RING1: variants seen among roughly 807,000 people sequenced by gnomAD.
RING1 encodes ring finger protein 1, also known as E3 ubiquitin-protein ligase RING1.
In RING1, 8 loss-of-function variants were observed where a neutral mutation model predicts 35.0. The observed-to-expected ratio is 0.23, with a 90% confidence interval of 0.13 to 0.41. RING1 has a LOEUF of 0.41. Ranked by LOEUF, RING1 falls within the 10% of genes least tolerant of loss-of-function variation. RING1 has a pLI of 1.00. For synonymous variants in RING1, 214 were observed against 224.3 expected (o/e 0.95, Z 0.41); for missense variants, 343 against 546.8 (o/e 0.63, Z 3.72).
chr6:33,212,379 C>G lies in RING1; in HGVS notation c.1201C>G (p.Pro401Ala). ...CCGGCCACTGGAGCTGTGCTATGCT[C>G]CCACCAAGGATCCAAAGTGACCCCA... Reference protein sequence around the residue: ...VSRPLELCYAPTKDPK With the variant: ...VSRPLELCYAATKDPK Residue 401 changes from proline to alanine, a missense_variant, in exon 7 of 7, where the codon CCC becomes GCC. Physicochemically the swap from Pro to Ala is conservative, Grantham distance 27 (BLOSUM62 -1). Transcript: ENST00000374656. 1.3e-6 allele frequency: 2 copies of G among 1,590,988 alleles called. No individual in the cohort carries two copies. The highest frequency in any genetic ancestry group is 1.7e-6 in the Non-Finnish European group (2 of 1,168,516).
At chr6:33,210,224 C>A in intron 4 of RING1, 94 bp downstream of exon 4, 1 of 1,128,152 alleles carries the variant, frequency 8.9e-7, no homozygotes, top group Non-Finnish European at 1.3e-6. Flanking sequence ...ATCCTAGGAG[C>A]TGACCACAGA....
chr6:33,211,050 A>G lies in RING1; in HGVS notation c.456-108A>G. The G allele has an allele frequency of 1.6e-6, 2 of 1,265,514 alleles. No homozygotes were observed. Among genetic ancestry groups the G allele is most frequent in the Non-Finnish European group, 2.2e-6 (2 of 921,532 alleles). The allele number at this position is 1,265,514 out of a possible 1,614,324, so 78.4% of individuals were successfully genotyped here. A position where few individuals can be genotyped will look rare whatever the true frequency, so the allele number is the denominator to read the frequency against. ...GTGCTTAGCACATTGTGTTTAATAAATATTAGGTATCGTCATTAGGATTTT... is the reference window on the plus strand; with the variant it reads ...GTGCTTAGCACATTGTGTTTAATAAGTATTAGGTATCGTCATTAGGATTTT... On this transcript the variant is annotated intron_variant, in intron 4 of 6. Transcript: ENST00000374656. This position sits in a 1 kb window ranked among gnomAD's most constrained non-coding sequence, Gnocchi z 6.3.
rs747672241 is a variant in RING1 at position 33,211,265 on chromosome 6, C to T, written c.563C>T (p.Ser188Leu). The T allele has an allele frequency of 3.7e-6, 6 of 1,612,780 alleles. No homozygotes were observed. The highest frequency in any genetic ancestry group is 5.1e-6 in the Non-Finnish European group (6 of 1,179,922). Reference protein sequence around the residue: ...EGEGDGEDVSSDSAPDSAPGP... With the variant: ...EGEGDGEDVSLDSAPDSAPGP... ...GAAGGGGATGGAGAAGATGTGAGCTCAGACTCCGCCCCTGACTCTGCCCCA... is the reference window on the plus strand; with the variant it reads ...GAAGGGGATGGAGAAGATGTGAGCTTAGACTCCGCCCCTGACTCTGCCCCA... Residue 188 changes from serine (S) to leucine (L), a missense_variant, in exon 5 of 7, where the codon TCA becomes TTA. Coordinates refer to ENST00000374656, the MANE Select transcript of RING1 (RefSeq NM_002931.4). This position sits in a 1 kb window ranked among gnomAD's most constrained non-coding sequence, Gnocchi z 6.3.
In RING1 at chr6:33,211,615, G is replaced by A; in HGVS notation, c.845+68G>A. Reference sequence around the variant, plus strand: ...TCACCTAGATTTCCATCAGAAGTGGGCTTTGCCCAAACCCAAAATACCACC... The same window carrying A: ...TCACCTAGATTTCCATCAGAAGTGGACTTTGCCCAAACCCAAAATACCACC... On this transcript the variant is annotated intron_variant, in intron 5 of 6. Transcript: ENST00000374656. The surrounding 1 kb of genome is among the most constrained non-coding windows in gnomAD (Gnocchi z 6.3). 1.3e-6 allele frequency: 2 copies of A among 1,572,718 alleles called. No individual in the cohort carries two copies. Among genetic ancestry groups the A allele is most frequent in the South Asian group, 2.3e-5 (2 of 85,724 alleles).
Position 33,212,707 on chromosome 6 carries a change from C to G in RING1, c.*308C>G, listed in dbSNP as rs144714948. ...TACCAACAACAAACGTGCTTTTTTC[C>G]TCTTTGAAACCTGCAGTTCTGTGTG... is the stretch of plus-strand genomic sequence containing the variant. On this transcript the variant is annotated 3_prime_UTR_variant, in exon 7 of 7. Coordinates refer to ENST00000374656, the MANE Select transcript of RING1 (RefSeq NM_002931.4). The G allele has an allele frequency of 1.4e-5, 4 of 295,502 alleles. No homozygotes were observed. Among genetic ancestry groups the G allele is most frequent in the African/African-American group, 4.3e-5 (2 of 46,356 alleles). 18.3% of individuals were successfully genotyped at this position (295,502 alleles called of 1,614,324 possible). A position where few individuals can be genotyped will look rare whatever the true frequency, so the allele number is the denominator to read the frequency against.
rs144721528 is a variant in RING1 at position 33,209,900 on chromosome 6, C to T, written c.240-15C>T. On this transcript the variant is annotated splice_polypyrimidine_tract_variant and intron_variant, in intron 3 of 6. Transcript: ENST00000374656. This position sits in a 1 kb window ranked among gnomAD's most constrained non-coding sequence, Gnocchi z 5.1. ...CCTTGACTGACCACTCAGGGCTTCCCTTCTCCTACCCCAGGAACAAGGAGT... is the reference window on the plus strand; with the variant it reads ...CCTTGACTGACCACTCAGGGCTTCCTTTCTCCTACCCCAGGAACAAGGAGT... 258 of 1,613,944 alleles carry T rather than the reference C, an allele frequency of 1.6e-4. 4 individuals are homozygous for T. The African/African-American group carries it at 2.8e-3, about 18-fold the overall frequency.
intron 4 of RING1, among the ~76,000 whole-genome samples, chr6:33,210,505 G>A (rs966430124): frequency 2.6e-5 from 4 of 151,900 alleles, no homozygotes; most frequent in African/African-American, 9.7e-5. Flanking sequence ...GGAGGCTGAG[G>A]TAATAGGATC....
At position 33,211,528 on chromosome 6, in the gene RING1, G is replaced by A. The variant is rs1775538304; in HGVS notation, c.826G>A (p.Gly276Arg). The change falls in exon 5 of 7, where the codon GGA (glycine) becomes AGA (arginine). Residue 276 changes from glycine (G) to arginine (R), a missense_variant. Transcript: ENST00000374656. The surrounding 1 kb of genome is among the most constrained non-coding windows in gnomAD (Gnocchi z 6.3). ...GCCCCACCCCCTGCTCGTGGAGAAGGGAGAATACTGCCAGACGAGGTGAGG... is the reference window on the plus strand; with the variant it reads ...GCCCCACCCCCTGCTCGTGGAGAAGAGAGAATACTGCCAGACGAGGTGAGG... ...FRPHPLLVEK[G>R]EYCQTRYVKT... The A allele has an allele frequency of 1.2e-6, 2 of 1,611,870 alleles. No homozygotes were observed. Among genetic ancestry groups the A allele is most frequent in the African/African-American group, 1.3e-5 (1 of 74,930 alleles).
In RING1 at chr6:33,211,091, C is replaced by G; in HGVS notation, c.456-67C>G. On this transcript the variant is annotated intron_variant, in intron 4 of 6. Transcript: ENST00000374656. This position sits in a 1 kb window ranked among gnomAD's most constrained non-coding sequence, Gnocchi z 6.3. Reference sequence around the variant, plus strand: ...TTAGGATTTTTCTTATCTCTTAATTCTCTGAAGTTTAAAGTCTAAGCCCTT... The same window carrying G: ...TTAGGATTTTTCTTATCTCTTAATTGTCTGAAGTTTAAAGTCTAAGCCCTT... 6.8e-7 allele frequency: 1 copy of G among 1,481,060 alleles called. No homozygotes were observed. The highest frequency in any genetic ancestry group is 9.0e-7 in the Non-Finnish European group (1 of 1,107,434). The allele number at this position is 1,481,060 out of a possible 1,614,324, so 91.7% of individuals were successfully genotyped here. A position where few individuals can be genotyped will look rare whatever the true frequency, so the allele number is the denominator to read the frequency against.
rs1775497855 is a variant in RING1 at position 33,211,174 on chromosome 6, C to T, written c.472C>T (p.Arg158Trp). The T allele has an allele frequency of 1.2e-6, 2 of 1,601,164 alleles. No individual in the cohort carries two copies. Among genetic ancestry groups the T allele is most frequent in the Non-Finnish European group, 1.7e-6 (2 of 1,171,216 alleles). ...CTTCTACAGGGCCCAGCGTGTGAGGCGGCCGATACCAGGGTCAGATCAGAC... is the reference window on the plus strand; with the variant it reads ...CTTCTACAGGGCCCAGCGTGTGAGGTGGCCGATACCAGGGTCAGATCAGAC... ...QAMHRAQRVRRPIPGSDQTTT... is the reference protein window; with the variant it reads ...QAMHRAQRVRWPIPGSDQTTT... The change falls in exon 5 of 7, where the codon CGG becomes TGG. Residue 158 changes from arginine (R) to tryptophan (W), a missense_variant. This residue lies in a region of RING1 where 278 missense variants were observed against 383.5 expected (regional missense o/e 0.72). Transcript: ENST00000374656. The surrounding 1 kb of genome is among the most constrained non-coding windows in gnomAD (Gnocchi z 6.3).
chr6:33,208,933 CT>C lies in RING1; in HGVS notation c.78+34del. On this transcript the variant is annotated intron_variant, in intron 2 of 6. Coordinates refer to ENST00000374656, the MANE Select transcript of RING1 (RefSeq NM_002931.4). The surrounding 1 kb of genome is among the most constrained non-coding windows in gnomAD (Gnocchi z 6.2). Reference sequence around the variant, plus strand: ...GCATTCTCCCTTTCAGGCTTACCCCCTCCCCCAAACCCTTATATCCACAGAC... The same window carrying C: ...GCATTCTCCCTTTCAGGCTTACCCCCCCCCCAAACCCTTATATCCACAGAC... 1 of 1,553,140 alleles carries C rather than the reference CT, an allele frequency of 6.4e-7. No homozygotes were observed. The highest frequency in any genetic ancestry group is 1.7e-4 in the Middle Eastern group (1 of 5,976).
Position 33,211,105 on chromosome 6 carries a change from G to T in RING1, c.456-53G>T. The stretch of plus-strand genomic sequence containing the variant: ...ATCTCTTAATTCTCTGAAGTTTAAA[G>T]TCTAAGCCCTTTATCCTGGATGCCT... On this transcript the variant is annotated intron_variant, in intron 4 of 6. Transcript: ENST00000374656. The surrounding 1 kb of genome is among the most constrained non-coding windows in gnomAD (Gnocchi z 6.3). 3 of 1,513,432 alleles carry T rather than the reference G, an allele frequency of 2.0e-6. No homozygotes were observed. The highest frequency in any genetic ancestry group is 2.7e-6 in the Non-Finnish European group (3 of 1,130,278). The allele number at this position is 1,513,432 out of a possible 1,614,324, so 93.8% of individuals were successfully genotyped here. A position where few individuals can be genotyped will look rare whatever the true frequency, so the allele number is the denominator to read the frequency against.
chr6:33,209,020 G>A lies in RING1; in HGVS notation c.78+120G>A, dbSNP rs1775350939. The A allele has an allele frequency of 6.0e-6, 5 of 832,536 alleles. No individual in the cohort carries two copies. The highest frequency in any genetic ancestry group is 8.1e-6 in the Non-Finnish European group (4 of 491,744). 51.6% of individuals were successfully genotyped at this position (832,536 alleles called of 1,614,324 possible). A position where few individuals can be genotyped will look rare whatever the true frequency, so the allele number is the denominator to read the frequency against. On this transcript the variant is annotated intron_variant, in intron 2 of 6. Transcript: ENST00000374656. The surrounding 1 kb of genome is among the most constrained non-coding windows in gnomAD (Gnocchi z 5.1). The stretch of plus-strand genomic sequence containing the variant: ...TTCTGCCTTGCCTGGCCCTACCTTT[G>A]AATCACCTTAATCTTTCCAAAGCAC...
In RING1 at chr6:33,212,399, A is replaced by T; in HGVS notation, c.1221A>T (p.Ter407CysextTer36). 1 of 1,578,132 alleles carries T rather than the reference A, an allele frequency of 6.3e-7. No homozygotes were observed. Among genetic ancestry groups the T allele is most frequent in the Non-Finnish European group, 8.6e-7 (1 of 1,160,268 alleles). The change falls in exon 7 of 7, where the codon TGA (stop) becomes TGT (cysteine). Residue 407 changes from the stop codon to cysteine, a stop_lost. Transcript: ENST00000374656. ...LCYAPTKDPK* is the reference protein window; with the variant it reads ...LCYAPTKDPKC ...ATGCTCCCACCAAGGATCCAAAGTG[A>T]CCCCACCAGGGGACAGCCAGAGGAA...
At position 33,209,649 on chromosome 6, in the gene RING1, G is replaced by T. The variant is rs1000187009; in HGVS notation, c.102G>T (p.Glu34Asp). 6.2e-7 allele frequency: 1 copy of T among 1,613,072 alleles called. No individual in the cohort carries two copies. Among genetic ancestry groups the T allele is most frequent in the East Asian group, 2.2e-5 (1 of 44,878 alleles). Residue 34 changes from glutamate (E) to aspartate (D), a missense_variant, in exon 3 of 7, where the codon GAG (glutamate) becomes GAT (aspartate). Glu to Asp is a conservative substitution (Grantham distance 45, BLOSUM62 2). Coordinates refer to ENST00000374656, the MANE Select transcript of RING1 (RefSeq NM_002931.4). The surrounding 1 kb of genome is among the most constrained non-coding windows in gnomAD (Gnocchi z 5.1). Reference protein sequence around the residue: ...TPQEAIMDGTEIAVSPRSLHS... With the variant: ...TPQEAIMDGTDIAVSPRSLHS... ...AGGAAGCCATAATGGATGGCACAGA[G>T]ATTGCTGTTTCCCCTCGGTCACTGC...
In RING1 at chr6:33,211,134, A is replaced by G. The variant is rs1437808744; in HGVS notation, c.456-24A>G. 1 of 1,562,162 alleles carries G rather than the reference A, an allele frequency of 6.4e-7. No homozygotes were observed. The highest frequency in any genetic ancestry group is 1.2e-5 in the South Asian group (1 of 84,986). On this transcript the variant is annotated intron_variant, in intron 4 of 6. Transcript: ENST00000374656. The surrounding 1 kb of genome is among the most constrained non-coding windows in gnomAD (Gnocchi z 6.3). The stretch of plus-strand genomic sequence containing the variant: ...AAGCCCTTTATCCTGGATGCCTTCT[A>G]ACCTTAACCACTTGCTTCTACAGGG...
Position 33,211,568 on chromosome 6 carries a change from C to G in RING1, c.845+21C>G. ...ACGAGGTGAGGAGCCCTGTCTTTCC[C>G]CAGCCACTGAGAAACCAAAGATCAC... On this transcript the variant is annotated intron_variant, in intron 5 of 6. Transcript: ENST00000374656. The surrounding 1 kb of genome is among the most constrained non-coding windows in gnomAD (Gnocchi z 6.3). 1 of 1,603,416 alleles carries G rather than the reference C, an allele frequency of 6.2e-7. No individual in the cohort carries two copies. Among genetic ancestry groups the G allele is most frequent in the East Asian group, 2.2e-5 (1 of 44,850 alleles).
rs1405956663 is a variant in RING1, at chr6:33,211,427, G to C, written c.725G>C (p.Gly242Ala). The C allele has an allele frequency of 6.4e-7, 1 of 1,571,888 alleles. No individual in the cohort carries two copies. The change falls in exon 5 of 7, where the codon GGA becomes GCA. Residue 242 changes from glycine to alanine, a missense_variant. This residue lies in a region of RING1 where 278 missense variants were observed against 383.5 expected (regional missense o/e 0.72). Transcript: ENST00000374656. This position sits in a 1 kb window ranked among gnomAD's most constrained non-coding sequence, Gnocchi z 6.3. ...GACCGGGGAGGGACTCTGGGAGGGG[G>C]AACGCTGGGCCCCCCAAGCCCTCCT... ...SGDRGGTLGG[G>A]TLGPPSPPGA...
chr6:33,211,136 C>T lies in RING1; in HGVS notation c.456-22C>T. 6.4e-7 allele frequency: 1 copy of T among 1,569,010 alleles called. No homozygotes were observed. The highest frequency in any genetic ancestry group is 8.7e-7 in the Non-Finnish European group (1 of 1,153,216). The stretch of plus-strand genomic sequence containing the variant: ...GCCCTTTATCCTGGATGCCTTCTAA[C>T]CTTAACCACTTGCTTCTACAGGGCC... On this transcript the variant is annotated intron_variant, in intron 4 of 6. Transcript: ENST00000374656. The surrounding 1 kb of genome is among the most constrained non-coding windows in gnomAD (Gnocchi z 6.3).
Sources: allele counts gnomAD v4.1 joint callset (sites outside exome capture counted in the v4.1 genomes callset), GRCh38; gene constraint gnomAD v4.1.1; regional missense constraint gnomAD v4.1.1; non-coding constraint Gnocchi (gnomAD v3.1); transcripts MANE v1.5; gene names NCBI Gene and HGNC (gene_info 2026-07-23, HGNC 2026-07-21).